Variants in SCMH1 observed in about 807,000 individuals in gnomAD.
SCMH1 encodes Scm polycomb group protein homolog 1.
SCMH1 carries 37 observed loss-of-function variants against 70.8 expected under a neutral mutation model. The observed-to-expected ratio is 0.52, with a 90% confidence interval of 0.40 to 0.69. The LOEUF is 0.69. Among genes scored for constraint, SCMH1 ranks in the 30% least tolerant of loss-of-function variants. The probability of loss-of-function intolerance (pLI) is 0.00; values close to 1 mark genes in which losing one functional copy is unlikely to be tolerated. For synonymous variants in SCMH1, 292 were observed against 307.4 expected, an observed-to-expected ratio of 0.95 and a Z score of 0.52; for missense variants, 607 against 827.3, an observed-to-expected ratio of 0.73 and a Z score of 3.27.
intron 1 of SCMH1, among the ~76,000 whole-genome samples, chr1:41,232,173 G>A (rs1371892386): frequency 2.0e-5 from 3 of 152,090 alleles, no homozygotes; most frequent in African/African-American, 7.2e-5. Flanking sequence ...AACCCACTGA[G>A]GGAAGAAACC....
intron 5 of SCMH1, among the ~76,000 whole-genome samples, chr1:41,148,230 T>C (rs954564093): frequency 1.3e-5 from 2 of 152,194 alleles, no homozygotes; most frequent in African/African-American, 2.4e-5. Flanking sequence ...ATTTTACTTA[T>C]ATGTTATCAT....
chr1:41,178,504 GAC>G (rs1647679239), intron 2 of SCMH1, among the ~76,000 whole-genome samples: 1 of 152,110 alleles, frequency 6.6e-6, no homozygotes, highest in African/African-American at 2.4e-5. Flanking sequence ...CACATGCAGA[GAC>G]ACACATAGGC....
chr1:41,131,403 G>T (rs1198679577), intron 6 of SCMH1, among the ~76,000 whole-genome samples: 1 of 152,090 alleles, frequency 6.6e-6, no homozygotes. Flanking sequence ...GAACCAATTT[G>T]TCAATTTCTG....
intron 8 of SCMH1, among the ~76,000 whole-genome samples, chr1:41,082,886 T>G (rs1660454556): frequency 6.6e-6 from 1 of 152,176 alleles, no homozygotes; most frequent in South Asian, 2.1e-4. Context: ...CATGATTATC[T>G]CAATAGATGC....
chr1:41,206,615 T>A (rs1286135919), intron 1 of SCMH1, among the ~76,000 whole-genome samples: 1 of 152,152 alleles, frequency 6.6e-6, no homozygotes, highest in Non-Finnish European at 1.5e-5. Context: ...TGGAAAACAC[T>A]CTTCAGGATA....
chr1:41,109,552 G>C (rs544902822), intron 8 of SCMH1, among the ~76,000 whole-genome samples: 1 of 152,292 alleles, frequency 6.6e-6, no homozygotes, highest in Non-Finnish European at 1.5e-5. Flanking sequence ...GCTTTTGTAG[G>C]ACTTACTGAG....
At chr1:41,163,542 C>T (rs1646212776) in intron 2 of SCMH1, among the ~76,000 whole-genome samples, 1 of 152,154 alleles carries the variant, frequency 6.6e-6, no homozygotes, top group Admixed American at 6.5e-5. Context: ...AAAATGAGGT[C>T]ACTAAGGTGG....
chr1:41,108,204 G>A (rs1057207632), intron 8 of SCMH1, among the ~76,000 whole-genome samples: 3 of 152,172 alleles, frequency 2.0e-5, no homozygotes, highest in African/African-American at 7.2e-5. Context: ...ACAGCAGACA[G>A]ATCCAGTTTA....
intron 9 of SCMH1, among the ~76,000 whole-genome samples, chr1:41,074,865 C>T (rs1482517270): frequency 6.6e-6 from 1 of 152,144 alleles, no homozygotes; most frequent in African/African-American, 2.4e-5. Context: ...CCGCCCCCAA[C>T]CCTGCCTTTT....
intron 12 of SCMH1, among the ~76,000 whole-genome samples, chr1:41,042,698 G>C (rs938188534): frequency 2.6e-5 from 4 of 152,130 alleles, no homozygotes; most frequent in African/African-American, 9.7e-5. Flanking sequence ...TGCTGGGCCA[G>C]AGTACCTCTG....
intron 4 of SCMH1, among the ~76,000 whole-genome samples, chr1:41,158,558 C>G (rs1408988149): frequency 1.3e-5 from 2 of 152,168 alleles, no homozygotes; most frequent in African/African-American, 4.8e-5. Flanking sequence ...GTTCTAAATG[C>G]AGATCTTTTG....
rs1317196041 is a variant in SCMH1, at chr1:41,087,411, G to A, written c.746-11960C>T. On this transcript the variant is annotated intron_variant, in intron 8 of 14. Transcript: ENST00000337495. ...TTGGGAGAAAATATTTACGATATAT[G>A]TTACAATAAAAGGGTGTATCTAACA... Among the ~76,000 whole-genome samples, 10 of 151,614 alleles carry A rather than the reference G, an allele frequency of 6.6e-5. No homozygotes were observed. The East Asian group carries it at 1.7e-3, about 26-fold the overall frequency.
In SCMH1 at chr1:41,143,115, G is replaced by A. The variant is rs1644248755; in HGVS notation, c.178-3C>T. The A allele has an allele frequency of 1.9e-6, 3 of 1,612,302 alleles. No homozygotes were observed. Among genetic ancestry groups the A allele is most frequent in the Non-Finnish European group, 2.5e-6 (3 of 1,178,580 alleles). On this transcript the variant is annotated splice_polypyrimidine_tract_variant and splice_region_variant and intron_variant, in intron 5 of 14. Transcript: ENST00000337495. ...TCGTTGCTTGGAGGTGTGTAGGACT[G>A]GGAAAAACAAGGCATGAGGTATAGA...
Position 41,034,911 on chromosome 1 carries a change from C to G in SCMH1, c.1678+2451G>C, listed in dbSNP as rs138597146. ...TTTTTGTTACTTAGCTCACTACCCACTGTTCCACCCCAACTCCTGCTCTAA... is the reference window on the plus strand; with the variant it reads ...TTTTTGTTACTTAGCTCACTACCCAGTGTTCCACCCCAACTCCTGCTCTAA... On this transcript the variant is annotated intron_variant, in intron 13 of 14. Transcript: ENST00000337495. Among the ~76,000 whole-genome samples the G allele has an allele frequency of 1.4e-4, 22 of 152,352 alleles. 1 individual carries two copies. In the East Asian group the frequency reaches 4.2e-3, roughly 29 times the overall value.
chr1:41,028,701 G>A lies in SCMH1; in HGVS notation c.1704C>T (p.Arg568=), dbSNP rs778375263. The A allele has an allele frequency of 4.3e-5, 69 of 1,614,112 alleles. No homozygotes were observed. The East Asian group carries it at 4.7e-4, about 11-fold the overall frequency. Residue 568 remains arginine (R), a synonymous_variant, in exon 14 of 15, where the codon CGC becomes CGT. Transcript: ENST00000337495. ...CCCGGCCACTCAGTCGAGAGGCATC[G>A]CGGCTCTCCAGGTATCGGTCCGACC...
At chr1:41,028,362 T>A in intron 14 of SCMH1, 43 bp from the exon 16 acceptor site, 1 of 1,609,564 alleles carries the variant, frequency 6.2e-7, no homozygotes, top group South Asian at 1.1e-5. Context: ...GGAGGCACCA[T>A]CAGAGTCCTG....
intron 2 of SCMH1, among the ~76,000 whole-genome samples, chr1:41,185,058 C>T (rs1649802439): frequency 1.3e-5 from 2 of 152,160 alleles, no homozygotes; most frequent in African/African-American, 2.4e-5. Flanking sequence ...AAGAGAGTAG[C>T]TTCCTCTTAA....
chr1:41,031,715 C>A (rs1475372057), intron 13 of SCMH1, among the ~76,000 whole-genome samples: 1 of 152,092 alleles, frequency 6.6e-6, no homozygotes, highest in Non-Finnish European at 1.5e-5. Flanking sequence ...CTCTGGAGAA[C>A]AGAGAGAAGA....
At chr1:41,067,061 T>G (rs1219670408) in intron 10 of SCMH1, among the ~76,000 whole-genome samples, 1 of 152,150 alleles carries the variant, frequency 6.6e-6, no homozygotes, top group Non-Finnish European at 1.5e-5. Flanking sequence ...TTGCAAAAAC[T>G]TTGAAGCAAC....
Sources: allele counts gnomAD v4.1 joint callset (sites outside exome capture counted in the v4.1 genomes callset), GRCh38; gene constraint gnomAD v4.1.1; transcripts MANE v1.5; gene names NCBI Gene and HGNC (gene_info 2026-07-23, HGNC 2026-07-21).